NRG1: variants seen among roughly 807,000 people sequenced by gnomAD.
NRG1 encodes the protein pro-neuregulin-1, membrane-bound isoform.
Under a neutral mutation model 63.8 loss-of-function variants are expected in NRG1, and 18 were observed. That is an observed-to-expected ratio of 0.28 (90% confidence interval 0.19 to 0.42). The LOEUF (loss-of-function observed/expected upper bound fraction) is 0.42. Among genes scored for constraint, NRG1 ranks in the 10% least tolerant of loss-of-function variants. NRG1 has a pLI of 1.00. For missense variants in NRG1, 762 were observed against 814.7 expected (o/e 0.94, Z 0.79); for synonymous variants, 302 against 301.3 (o/e 1.00, Z -0.02).
intron 6 of NRG1, among the ~76,000 whole-genome samples, chr8:32,731,878 T>C (rs1002819683): frequency 7.2e-5 from 11 of 152,156 alleles, no homozygotes; most frequent in African/African-American, 2.4e-4. Context: ...AGCCACATCA[T>C]TGAAAATCAG....
intron 1 of NRG1, among the ~76,000 whole-genome samples, chr8:31,655,855 G>T (rs755331110): frequency 3.3e-5 from 5 of 152,206 alleles, no homozygotes; most frequent in African/African-American, 4.8e-5. Context: ...TGGCTGTGAT[G>T]GGGCAATGCC....
intron 1 of NRG1, among the ~76,000 whole-genome samples, chr8:31,789,574 G>C (rs1172337268): frequency 1.3e-5 from 2 of 152,190 alleles, no homozygotes; most frequent in African/African-American, 4.8e-5. Flanking sequence ...CGTGATAGAA[G>C]GAAGAATCCT....
intron 1 of NRG1, among the ~76,000 whole-genome samples, chr8:32,074,980 T>A (rs141520504): frequency 1.3e-5 from 2 of 152,348 alleles, no homozygotes; most frequent in African/African-American, 4.8e-5. Flanking sequence ...ATAGGCTACT[T>A]TTTTGTGGTG....
intron 1 of NRG1, among the ~76,000 whole-genome samples, chr8:32,086,210 G>A (rs1828200456): frequency 6.6e-6 from 1 of 152,122 alleles, no homozygotes; most frequent in African/African-American, 2.4e-5. Flanking sequence ...ATATTTTAGA[G>A]TGAACATTTT....
chr8:31,987,038 G>A (rs529357103), intron 1 of NRG1, among the ~76,000 whole-genome samples: 2 of 152,152 alleles, frequency 1.3e-5, no homozygotes, highest in Non-Finnish European at 2.9e-5. Flanking sequence ...GGTGGCTCAC[G>A]CCTATAATCC....
chr8:31,904,875 G>A lies in NRG1; in HGVS notation c.37+265444G>A, dbSNP rs193095750. On this transcript the variant is annotated intron_variant, in intron 1 of 10. Coordinates refer to the NRG1 transcript ENST00000519301. ...CAGTAGACACTGAGGCCTACTGGAG[G>A]GTGGGAGGAAGGTGAGGATCAAAAA... Among the ~76,000 whole-genome samples the A allele has an allele frequency of 8.5e-5, 13 of 152,130 alleles. No individual in the cohort carries two copies. In the East Asian group the frequency reaches 2.5e-3, roughly 29 times the overall value.
intron 1 of NRG1, among the ~76,000 whole-genome samples, chr8:31,702,721 ACTT>A (rs1273894589): frequency 6.6e-6 from 1 of 152,120 alleles, no homozygotes; most frequent in Non-Finnish European, 1.5e-5. Flanking sequence ...GGTGGATGTA[ACTT>A]CTTATGATGT....
chr8:32,223,049 A>G (rs1454282928), intron 1 of NRG1, among the ~76,000 whole-genome samples: 1 of 152,206 alleles, frequency 6.6e-6, no homozygotes, highest in East Asian at 1.9e-4. Context: ...CTTTACTTCA[A>G]TTATCAGATA....
chr8:32,360,725 T>C (rs966796525), intron 1 of NRG1, among the ~76,000 whole-genome samples: 2 of 152,224 alleles, frequency 1.3e-5, no homozygotes, highest in African/African-American at 4.8e-5. Context: ...CTCTGTTGAA[T>C]TTCTATTGCC....
intron 1 of NRG1, among the ~76,000 whole-genome samples, chr8:31,791,661 C>CTTCAT (rs1275152339): frequency 3.3e-5 from 5 of 152,118 alleles, no homozygotes; most frequent in Non-Finnish European, 7.3e-5. Flanking sequence ...TTTTCTTGAG[C>CTTCAT]TGTTTTTCAT....
intron 1 of NRG1, among the ~76,000 whole-genome samples, chr8:32,042,348 G>A (rs7017220): frequency 0.02 from 3,096 of 152,122 alleles, 108 homozygotes; most frequent in African/African-American, 0.068. Flanking sequence ...AGCTACTTGG[G>A]AGGCTTAGGC....
intron 1 of NRG1, among the ~76,000 whole-genome samples, chr8:32,367,259 T>C (rs559592344): frequency 3.9e-5 from 6 of 152,350 alleles, no homozygotes; most frequent in African/African-American, 1.2e-4. Context: ...CCACCAGCAA[T>C]GTATAAGAGT....
At chr8:32,076,307 G>C (rs1826536295) in intron 1 of NRG1, among the ~76,000 whole-genome samples, 1 of 152,078 alleles carries the variant, frequency 6.6e-6, no homozygotes. Context: ...ACCATTTTTG[G>C]TTGGCTCTTA....
exon 12 of NRG1, chr8:32,763,893 A>G (rs2129062106): frequency 1.2e-6 from 2 of 1,614,010 alleles, no homozygotes; most frequent in Non-Finnish European, 1.7e-6. Flanking sequence ...CAGCCCCTTC[A>G]TGGAAGAAGA....
rs957473365 is a variant in NRG1, at chr8:32,642,712, G to A, written c.502+25827G>A. Among the ~76,000 whole-genome samples the A allele has an allele frequency of 9.8e-5, 15 of 152,290 alleles. No homozygotes were observed. In the South Asian group the frequency reaches 3.1e-3, roughly 32 times the overall value. On this transcript the variant is annotated intron_variant, in intron 5 of 11. Transcript: ENST00000356819. ...ATTTTTATTTTATGTTAGATACCAT[G>A]AAGTAAATTCTACTCTTTTGCCAGC...
chr8:32,282,999 T>C (rs1289064984), intron 1 of NRG1, among the ~76,000 whole-genome samples: 1 of 152,214 alleles, frequency 6.6e-6, no homozygotes, highest in Non-Finnish European at 1.5e-5. Flanking sequence ...AGACATATAA[T>C]ACCAATTTCT....
intron 5 of NRG1, among the ~76,000 whole-genome samples, chr8:32,639,416 A>C (rs1851908803): frequency 6.6e-6 from 1 of 152,144 alleles, no homozygotes; most frequent in East Asian, 1.9e-4. Context: ...AAAATAAATA[A>C]ATAAATATAA....
intron 1 of NRG1, among the ~76,000 whole-genome samples, chr8:32,091,907 A>G (rs548093587): frequency 6.6e-6 from 1 of 152,086 alleles, no homozygotes; most frequent in Non-Finnish European, 1.5e-5. Context: ...TTGGGGGACT[A>G]TGGCCTCGAT....
At chr8:32,063,348 A>G (rs541439585) in intron 1 of NRG1, 3 of 152,290 alleles carry the variant, frequency 2.0e-5, no homozygotes, top group African/African-American at 7.2e-5. Context: ...AAAGAAAAAT[A>G]CTTTCAGTGA....
Sources: allele counts gnomAD v4.1 joint callset (sites outside exome capture counted in the v4.1 genomes callset), GRCh38; gene constraint gnomAD v4.1.1; transcripts MANE v1.5; gene names NCBI Gene and HGNC (gene_info 2026-07-23, HGNC 2026-07-21).